Variants in MBD4 observed in about 807,000 individuals in gnomAD.
MBD4 encodes the protein methyl-CpG binding domain 4, DNA glycosylase, also known as methyl-CpG-binding domain protein 4.
In MBD4, 53 loss-of-function variants were observed where a neutral mutation model predicts 60.2. The observed-to-expected ratio is 0.88, with a 90% CI of 0.71 to 1.11. The LOEUF (loss-of-function observed/expected upper bound fraction) is 1.11, where lower values mean the gene tolerates loss of function less well. MBD4 is among the 50% of genes least tolerant of loss of function. MBD4 has a pLI of 0.00. For synonymous variants in MBD4, 231 were observed against 229.8 expected (o/e 1.01, Z -0.05); for missense variants, 619 against 674.0 (o/e 0.92, Z 0.90).
chr3:129,432,101 C>T (rs2072356065), intron 7 of MBD4: 4 of 1,115,382 alleles, frequency 3.6e-6, no homozygotes, highest in East Asian at 5.4e-5. Flanking sequence ...AGGACCCAGT[C>T]ACCACAAACG....
chr3:129,439,510 C>CA (rs1225489531), intron 1 of MBD4, among the ~76,000 whole-genome samples: 1 of 152,184 alleles, frequency 6.6e-6, no homozygotes, highest in Non-Finnish European at 1.5e-5. Flanking sequence ...CCGGCTCCCC[C>CA]CCAGTCTCCC....
rs773177521 is a variant in MBD4, at chr3:129,436,915, A to T, written c.729T>A (p.Ile243=). 9 of 1,614,044 alleles carry T rather than the reference A, an allele frequency of 5.6e-6. No homozygotes were observed. In the South Asian group the frequency reaches 9.9e-5, roughly 18 times the overall value. The change falls in exon 3 of 8, where the codon ATT becomes ATA. Residue 243 remains isoleucine (I), a synonymous_variant. Coordinates refer to ENST00000429544, the MANE Select transcript of MBD4 (RefSeq NM_001276270.2). The part of the protein sequence containing the change: ...GKVTILKGIP[I]KKTKKGCRKS... ...TCCTACATCCTTTTTTAGTTTTCTT[A>T]ATTGGGATTCCTTTCAAAATAGTCA...
intron 7 of MBD4, chr3:129,432,277 G>A: frequency 6.8e-7 from 1 of 1,463,542 alleles, no homozygotes; most frequent in Non-Finnish European, 9.0e-7. Flanking sequence ...CAAACCACTG[G>A]AGATGAGTCA....
chr3:129,435,416 C>G (rs1056808324), intron 3 of MBD4, among the ~76,000 whole-genome samples: 12 of 152,174 alleles, frequency 7.9e-5, no homozygotes, highest in African/African-American at 2.9e-4. Context: ...ATGTTGAGAA[C>G]TAGACTCTTA....
chr3:129,432,927 A>C (rs938297928), intron 6 of MBD4, among the ~76,000 whole-genome samples, 171 bp downstream of exon 6: 1 of 152,206 alleles, frequency 6.6e-6, no homozygotes, highest in African/African-American at 2.4e-5. Flanking sequence ...TTTATTGTTT[A>C]GGTCAGTGGG....
intron 5 of MBD4, 102 bp from the exon 6 acceptor site, chr3:129,433,349 T>A (rs1332229897): frequency 2.1e-5 from 28 of 1,304,026 alleles, no homozygotes; most frequent in Non-Finnish European, 2.8e-5. Context: ...TTTTTTTTTT[T>A]AAAGAAAACA....
In MBD4 at chr3:129,432,570, T is replaced by A. The variant is rs191518400; in HGVS notation, c.1580A>T (p.Glu527Val). ...GCCATATTTACCAATCCCATGAAGC[T>A]CAATTGGATACTTCCACTGCTTTGT... Reference protein sequence around the residue: ...YLTKQWKYPIELHGIGKYGND... With the variant: ...YLTKQWKYPIVLHGIGKYGND... Residue 527 changes from glutamate (E) to valine (V), a missense_variant, in exon 7 of 8, where the codon GAG (glutamate) becomes GTG (valine). Glu to Val is a moderately radical substitution (Grantham distance 121). Transcript: ENST00000429544. 2 of 1,614,154 alleles carry A rather than the reference T, an allele frequency of 1.2e-6. No homozygotes were observed. Among genetic ancestry groups the A allele is most frequent in the African/African-American group, 2.7e-5 (2 of 75,028 alleles).
At chr3:129,434,164 G>A in intron 3 of MBD4, 28 bp from the exon 4 acceptor site, 1 of 1,566,752 alleles carries the variant, frequency 6.4e-7, no homozygotes, top group Non-Finnish European at 8.8e-7. Context: ...ACACTTTATG[G>A]AGTCTATGGT....
At chr3:129,439,510 C>T (rs952400051) in intron 1 of MBD4, among the ~76,000 whole-genome samples, 1 of 152,184 alleles carries the variant, frequency 6.6e-6, no homozygotes, top group South Asian at 2.1e-4. Context: ...CCGGCTCCCC[C>T]CCAGTCTCCC....
intron 6 of MBD4, 78 bp downstream of exon 6, chr3:129,433,020 A>C (rs1389580863): frequency 6.4e-7 from 1 of 1,560,780 alleles, no homozygotes; most frequent in African/African-American, 1.4e-5. Context: ...AGTATCTGAG[A>C]ACATTAAAGT....
At chr3:129,436,333 T>C in intron 3 of MBD4, 128 bp downstream of exon 3, 1 of 1,144,676 alleles carries the variant, frequency 8.7e-7, no homozygotes, top group Non-Finnish European at 1.3e-6. Context: ...TTTGGCCCTA[T>C]TTCTTGGCTC....
intron 5 of MBD4, 144 bp downstream of exon 5, chr3:129,433,706 A>G: frequency 2.3e-6 from 2 of 872,218 alleles, no homozygotes; most frequent in Non-Finnish European, 3.7e-6. Flanking sequence ...TCATTTCCTC[A>G]TAGGTGAAGA....
chr3:129,432,282 G>C (rs1280981989), intron 7 of MBD4: 7 of 1,464,960 alleles, frequency 4.8e-6, no homozygotes, highest in Admixed American at 4.7e-5. Flanking sequence ...CACTGGAGAT[G>C]AGTCAGAGGC....
chr3:129,433,037 T>C, intron 6 of MBD4, 61 bp downstream of exon 6: 1 of 1,582,490 alleles, frequency 6.3e-7, no homozygotes, highest in Non-Finnish European at 8.7e-7. Flanking sequence ...AAGTTTAAGG[T>C]GTGGCTCTCT....
rs1342791992 is a variant in MBD4 at position 129,439,860 on chromosome 3, G to A, written c.-27C>T. ...GAGCAGGGTCCGGCTGCAGCAACGA[G>A]CCCAGCGCCGCAACGCCCAGGGTGT... is the stretch of plus-strand genomic sequence containing the variant. On this transcript the variant is annotated 5_prime_UTR_variant, in exon 1 of 8. Transcript: ENST00000429544. 6 of 1,489,346 alleles carry A rather than the reference G, an allele frequency of 4.0e-6. No individual in the cohort carries two copies. Among genetic ancestry groups the A allele is most frequent in the East Asian group, 2.3e-5 (1 of 44,142 alleles). 92.3% of individuals were successfully genotyped at this position (1,489,346 alleles called of 1,614,324 possible).
chr3:129,431,399 T>C lies in MBD4; in HGVS notation c.*102A>G. Reference sequence around the variant, plus strand: ...ACACACACTAGGCTTCTAGTTGGGCTAATTAAAATCTCTATGGCTGGAAAG... The same window carrying C: ...ACACACACTAGGCTTCTAGTTGGGCCAATTAAAATCTCTATGGCTGGAAAG... On this transcript the variant is annotated 3_prime_UTR_variant, in exon 8 of 8. Coordinates refer to ENST00000429544, the MANE Select transcript of MBD4 (RefSeq NM_001276270.2). The C allele has an allele frequency of 1.1e-6, 1 of 901,032 alleles. No individual in the cohort carries two copies. Among genetic ancestry groups the C allele is most frequent in the Middle Eastern group, 2.2e-4 (1 of 4,638 alleles). 55.8% of individuals were successfully genotyped at this position (901,032 alleles called of 1,614,324 possible). A position where few individuals can be genotyped will look rare whatever the true frequency, so the allele number is the denominator to read the frequency against.
chr3:129,432,663 A>C (rs2072373070), intron 6 of MBD4, 57 bp from the exon 7 acceptor site: 32 of 1,460,192 alleles, frequency 2.2e-5, no homozygotes, highest in Non-Finnish European at 2.5e-5. Context: ...CCCTCCCAAA[A>C]TGTGTGGTGA....
chr3:129,433,015 C>T, intron 6 of MBD4, 83 bp downstream of exon 6: 2 of 1,552,132 alleles, frequency 1.3e-6, no homozygotes, highest in South Asian at 1.1e-5. Context: ...AATATAGTAT[C>T]TGAGAACATT....
chr3:129,434,803 G>A lies in MBD4; in HGVS notation c.1184-667C>T, dbSNP rs377683819. Among the ~76,000 whole-genome samples the A allele has an allele frequency of 3.0e-4, 46 of 152,196 alleles. No individual in the cohort carries two copies. In the South Asian group the frequency reaches 7.9e-3, roughly 26 times the overall value. On this transcript the variant is annotated intron_variant, in intron 3 of 7. Transcript: ENST00000429544. ...TACTTTTACGCTTACCAAAAAAAGG[G>A]ATACAGACAAAACAGAATCTGCAGA...
Sources: gnomAD v4.1 joint callset for allele counts (sites outside exome capture counted in the v4.1 genomes callset) on GRCh38, gnomAD v4.1.1 for gene constraint, MANE v1.5 for transcripts, NCBI Gene and HGNC (gene_info 2026-07-23, HGNC 2026-07-21) for gene names.